The following SSPN variants were observed in gnomAD, a reference collection of about 807,000 sequenced individuals.
SSPN encodes sarcospan.
In SSPN, 15 loss-of-function variants were observed where a neutral mutation model predicts 19.1. That is an observed-to-expected ratio of 0.78 (90% CI 0.52 to 1.21). SSPN has a LOEUF of 1.21. Ranked by LOEUF, SSPN falls within the 50% of genes most tolerant of loss-of-function variation. SSPN has a pLI of 0.00. For missense variants in SSPN, 291 were observed against 314.0 expected, an observed-to-expected ratio of 0.93 and a Z score of 0.55; for synonymous variants, 147 against 140.3, an observed-to-expected ratio of 1.05 and a Z score of -0.34.
chr12:26,187,416 C>T (rs1477218270), intron 1 of SSPN, among the ~76,000 whole-genome samples: 1 of 152,214 alleles, frequency 6.6e-6, no homozygotes, highest in African/African-American at 2.4e-5. Flanking sequence ...CTAAATGTAG[C>T]TTAATGTTAG....
exon 1 of SSPN, chr12:26,122,061 A>C: frequency 6.5e-7 from 1 of 1,549,248 alleles, no homozygotes; most frequent in Non-Finnish European, 8.7e-7. Context: ...TCGGGACGCA[A>C]GGATTCAGGG....
chr12:26,175,155 T>C (rs906916816), intron 1 of SSPN, among the ~76,000 whole-genome samples: 2 of 152,262 alleles, frequency 1.3e-5, no homozygotes, highest in African/African-American at 4.8e-5. Flanking sequence ...GCATTTTGTA[T>C]GCCTACTAGC....
intron 1 of SSPN, among the ~76,000 whole-genome samples, chr12:26,129,568 C>T (rs999730451): frequency 7.9e-5 from 12 of 152,158 alleles, no homozygotes; most frequent in East Asian, 3.8e-4. Flanking sequence ...CTGAAAGTAC[C>T]GGATTTTAAA....
At chr12:26,129,279 A>G (rs1944384609) in intron 1 of SSPN, among the ~76,000 whole-genome samples, 1 of 152,228 alleles carries the variant, frequency 6.6e-6, no homozygotes, top group South Asian at 2.1e-4. Flanking sequence ...GACGTTTTAC[A>G]TCAAAGTTAA....
Position 26,231,096 on chromosome 12 carries a change from G to A in SSPN, c.*20G>A, listed in dbSNP as rs200971806. On this transcript the variant is annotated 3_prime_UTR_variant, in exon 3 of 3. Transcript: ENST00000242729. ...ATCTAACATTCTTGCTCAAAGTTGC[G>A]AGAGAAAGTAGCACATGGAGTAGCT... The A allele has an allele frequency of 9.6e-5, 153 of 1,597,446 alleles. No individual in the cohort carries two copies. The South Asian group carries it at 1.5e-3, about 15-fold the overall frequency.
intron 1 of SSPN, among the ~76,000 whole-genome samples, chr12:26,166,236 G>A (rs1221267146): frequency 6.6e-6 from 1 of 152,108 alleles, no homozygotes; most frequent in Admixed American, 6.6e-5. Flanking sequence ...AAACCTGCAT[G>A]TTCTGCACAT....
At chr12:26,173,502 A>G (rs1199986574) in intron 1 of SSPN, among the ~76,000 whole-genome samples, 2 of 151,588 alleles carry the variant, frequency 1.3e-5, no homozygotes. Flanking sequence ...TTCTTTTTCC[A>G]TTGTCCAGAT....
intron 1 of SSPN, among the ~76,000 whole-genome samples, chr12:26,172,861 C>G (rs995875181): frequency 1.3e-5 from 2 of 151,882 alleles, no homozygotes; most frequent in Non-Finnish European, 1.5e-5. Flanking sequence ...CTCTCTCTCT[C>G]TCTGTCTGTC....
intron 1 of SSPN, among the ~76,000 whole-genome samples, chr12:26,154,161 C>T (rs1944542933): frequency 6.6e-6 from 1 of 152,158 alleles, no homozygotes; most frequent in Non-Finnish European, 1.5e-5. Context: ...TATGAAAAGG[C>T]CCATTTCTAT....
chr12:26,137,656 A>ATATATT (rs1377562695), intron 1 of SSPN, among the ~76,000 whole-genome samples: 11 of 76,438 alleles, frequency 1.4e-4, no homozygotes, highest in East Asian at 6.9e-4. Context: ...ATATATATAT[A>ATATATT]TTTTTTTTTT....
At chr12:26,200,532 G>A (rs188039168) in intron 1 of SSPN, among the ~76,000 whole-genome samples, 46 of 152,252 alleles carry the variant, frequency 3.0e-4, no homozygotes, top group African/African-American at 1.0e-3. Context: ...TTGTTATTCA[G>A]AATTTATAAG....
At chr12:26,148,087 T>C (rs555438603) in intron 1 of SSPN, among the ~76,000 whole-genome samples, 1 of 152,220 alleles carries the variant, frequency 6.6e-6, no homozygotes, top group Non-Finnish European at 1.5e-5. Context: ...TAAATTTCTG[T>C]CAAGGGAGGG....
intron 1 of SSPN, among the ~76,000 whole-genome samples, chr12:26,185,716 C>G (rs1282998114): frequency 6.6e-6 from 1 of 152,214 alleles, no homozygotes; most frequent in East Asian, 1.9e-4. Flanking sequence ...GAGTGACCAC[C>G]TGCCGTGCCA....
Position 26,195,888 on chromosome 12 carries a change from C to T in SSPN, c.216C>T (p.Phe72=), listed in dbSNP as rs1356106168. The T allele has an allele frequency of 1.9e-6, 3 of 1,577,930 alleles. No homozygotes were observed. Among genetic ancestry groups the T allele is most frequent in the Middle Eastern group, 3.4e-4 (2 of 5,926 alleles). Residue 72 remains phenylalanine (F), a synonymous_variant, in exon 1 of 3, where the codon TTC becomes TTT. Coordinates refer to ENST00000242729, the MANE Select transcript of SSPN (RefSeq NM_005086.5). ...ALGIAVTVVG[F]LMASISSSLL... is the part of the protein sequence containing the mutation. ...GCATCGCCGTGACCGTGGTGGGCTT[C>T]CTCATGGCGAGCATCAGCTCCTCCC... is the stretch of plus-strand genomic sequence containing the variant.
At chr12:26,144,168 A>T (rs2004824) in intron 1 of SSPN, among the ~76,000 whole-genome samples, 40,633 of 152,160 alleles carry the variant, frequency 0.27, 5,626 homozygotes, top group South Asian at 0.37. Context: ...CTTCCATGAA[A>T]CTGGTCTCTG....
intron 1 of SSPN, among the ~76,000 whole-genome samples, chr12:26,172,447 G>A (rs1308470693): frequency 1.3e-5 from 2 of 152,114 alleles, no homozygotes; most frequent in African/African-American, 4.8e-5. Context: ...TCTGTTTCTC[G>A]ATGAGCATTT....
At chr12:26,141,757 A>G (rs1307687665) in intron 1 of SSPN, among the ~76,000 whole-genome samples, 1 of 152,224 alleles carries the variant, frequency 6.6e-6, no homozygotes, top group Non-Finnish European at 1.5e-5. Context: ...TCAGGTACCT[A>G]GTATATCATT....
intron 1 of SSPN, among the ~76,000 whole-genome samples, chr12:26,130,961 G>A (rs1333443193): frequency 2.0e-5 from 3 of 151,526 alleles, no homozygotes; most frequent in Admixed American, 6.6e-5. Flanking sequence ...GGTTACAAAT[G>A]TAGTTTTCAA....
chr12:26,138,450 A>T (rs1462639050), intron 1 of SSPN, among the ~76,000 whole-genome samples: 1 of 152,204 alleles, frequency 6.6e-6, no homozygotes, highest in African/African-American at 2.4e-5. Context: ...CATTTTCTAG[A>T]TAGGGGCTAT....
Sources: allele counts gnomAD v4.1 joint callset (sites outside exome capture counted in the v4.1 genomes callset), GRCh38; gene constraint gnomAD v4.1.1; transcripts MANE v1.5; gene names NCBI Gene and HGNC (gene_info 2026-07-23, HGNC 2026-07-21).